Variants in PCDHA4 observed in about 807,000 individuals in gnomAD.
The protein encoded by PCDHA4 is protocadherin alpha 4, also known as protocadherin alpha-4.
In PCDHA4, 49 loss-of-function variants were observed where a neutral mutation model predicts 61.4. The observed-to-expected ratio is 0.80, with a 90% CI of 0.63 to 1.01. The LOEUF (loss-of-function observed/expected upper bound fraction) is 1.01. Ranked by LOEUF, PCDHA4 falls within the 50% of genes least tolerant of loss-of-function variation. The pLI is 0.00. For missense variants in PCDHA4, 1,254 were observed against 1,235.8 expected (o/e 1.01, Z -0.22); for synonymous variants, 590 against 550.3 (o/e 1.07, Z -1.01).
At chr5:140,836,286 C>T (rs146878440) in intron 1 of PCDHA4, 2 of 1,613,774 alleles carry the variant, frequency 1.2e-6, no homozygotes, top group South Asian at 1.1e-5. Context: ...CAGCACGACA[C>T]GAGCCCTAGA....
At position 140,987,008 on chromosome 5, in the gene PCDHA4, G is replaced by A. The variant is rs958548514; in HGVS notation, c.2533+4445G>A. 2.6e-5 allele frequency among the ~76,000 whole-genome samples: 4 copies of A among 152,260 alleles called. No individual in the cohort carries two copies. The South Asian group carries it at 6.2e-4, about 24-fold the overall frequency. On this transcript the variant is annotated intron_variant, in intron 3 of 3. Transcript: ENST00000530339. ...GCAGGCAGATCACTTGAGGTCATGA[G>A]TTCGAGACCAGCCTGGTCAACATGG... is the stretch of plus-strand genomic sequence containing the variant.
chr5:140,850,003 C>G (rs782017581), intron 1 of PCDHA4: 1 of 1,596,910 alleles, frequency 6.3e-7, no homozygotes, highest in African/African-American at 1.3e-5. Context: ...GGCGAGCGCT[C>G]GCTGTCGAGC....
At chr5:140,810,581 C>T (rs1764688212) in intron 1 of PCDHA4, 1 of 152,044 alleles carries the variant, frequency 6.6e-6, no homozygotes, top group Non-Finnish European at 1.5e-5. Context: ...AGTTGAGTAC[C>T]TTTCTATTTT....
intron 1 of PCDHA4, among the ~76,000 whole-genome samples, chr5:140,918,383 C>A (rs1227959801): frequency 4.6e-5 from 7 of 152,124 alleles, no homozygotes. Flanking sequence ...CCTTTTATTT[C>A]TTTCTCTTGC....
At chr5:140,875,241 A>G (rs1176870557) in intron 1 of PCDHA4, 27 of 935,126 alleles carry the variant, frequency 2.9e-5, no homozygotes, top group Non-Finnish European at 3.8e-5. Context: ...TTGTACTTAC[A>G]TAATCAGTCA....
intron 1 of PCDHA4, among the ~76,000 whole-genome samples, chr5:140,888,041 A>G (rs571709864): frequency 2.0e-5 from 3 of 152,296 alleles, no homozygotes; most frequent in South Asian, 4.1e-4. Context: ...TAGTACATGT[A>G]TAATAGATGT....
chr5:140,947,685 G>T (rs553954790), intron 1 of PCDHA4, among the ~76,000 whole-genome samples: 1 of 151,508 alleles, frequency 6.6e-6, no homozygotes, highest in South Asian at 2.1e-4. Flanking sequence ...AATTGTCTCA[G>T]CATGTTCTGT....
chr5:140,965,690 T>G (rs1203632136), intron 1 of PCDHA4, among the ~76,000 whole-genome samples: 2 of 152,172 alleles, frequency 1.3e-5, no homozygotes, highest in Admixed American at 1.3e-4. Context: ...TGAAGCAAGA[T>G]TAGAAAAAGC....
At chr5:140,949,825 C>G (rs1321892793) in intron 1 of PCDHA4, among the ~76,000 whole-genome samples, 2 of 151,748 alleles carry the variant, frequency 1.3e-5, no homozygotes, top group African/African-American at 4.8e-5. Flanking sequence ...TATTTGTCCC[C>G]TCTGATTTTG....
chr5:140,966,903 A>G (rs1554228870), intron 1 of PCDHA4: 2 of 1,599,926 alleles, frequency 1.3e-6, no homozygotes, highest in South Asian at 2.2e-5. Context: ...CAGCTGCGAT[A>G]CTCTGTGCCA....
intron 1 of PCDHA4, chr5:140,883,291 A>G: frequency 6.2e-7 from 1 of 1,614,118 alleles, no homozygotes; most frequent in Non-Finnish European, 8.5e-7. Flanking sequence ...TGGAAGTACT[A>G]GATGTAAATG....
At chr5:140,928,994 T>G (rs781964406) in intron 1 of PCDHA4, 2 of 1,613,992 alleles carry the variant, frequency 1.2e-6, no homozygotes, top group Admixed American at 3.3e-5. Flanking sequence ...TGCTTACTTT[T>G]CTTCGTGTGT....
chr5:140,815,956 G>A (rs1554126939), intron 1 of PCDHA4: 1 of 152,172 alleles, frequency 6.6e-6, no homozygotes, highest in Non-Finnish European at 1.5e-5. Context: ...GGTAGAGTTA[G>A]GGGTGTTCTT....
rs1763939402 is a variant in PCDHA4, at chr5:140,807,460, C to T, written c.273C>T (p.Asp91=). 1 of 1,608,638 alleles carries T rather than the reference C, an allele frequency of 6.2e-7. No individual in the cohort carries two copies. The highest frequency in any genetic ancestry group is 8.5e-7 in the Non-Finnish European group (1 of 1,178,324). Residue 91 remains aspartate (D), a synonymous_variant, in exon 1 of 4, where the codon GAC becomes GAT. Transcript: ENST00000530339. The stretch of plus-strand genomic sequence containing the variant: ...TTTTGTTTGTGAATTCTCGGATCGA[C>T]CGGGAGGAGCTGTGCCGGCGGAGCG... ...NGILFVNSRI[D]REELCRRSAE...
intron 1 of PCDHA4, chr5:140,825,614 G>A (rs1415986913): frequency 6.6e-6 from 1 of 151,662 alleles, no homozygotes; most frequent in Non-Finnish European, 1.5e-5. Flanking sequence ...TAGAGACGGG[G>A]TTTCACCATG....
intron 1 of PCDHA4, chr5:140,852,044 T>C (rs1581270101): frequency 2.2e-6 from 2 of 922,218 alleles, no homozygotes; most frequent in South Asian, 5.0e-5. Context: ...GTTTTTGTTA[T>C]GTGGTTTATA....
chr5:140,854,281 A>C, intron 1 of PCDHA4: 2 of 533,292 alleles, frequency 3.8e-6, no homozygotes, highest in Non-Finnish European at 4.8e-6. Context: ...AATTGAGTTT[A>C]GTTTTTATTA....
At chr5:140,818,706 T>G (rs2150102140) in intron 1 of PCDHA4, among the ~76,000 whole-genome samples, 14 of 152,140 alleles carry the variant, frequency 9.2e-5, no homozygotes, top group African/African-American at 2.7e-4. Flanking sequence ...GATGTGGTGG[T>G]GCACACCTGT....
At chr5:140,964,548 G>C (rs1468417797) in intron 1 of PCDHA4, among the ~76,000 whole-genome samples, 1 of 152,102 alleles carries the variant, frequency 6.6e-6, no homozygotes, top group East Asian at 1.9e-4. Context: ...AGATGGCAGC[G>C]ACTTGGAGGG....
Sources: allele counts gnomAD v4.1 joint callset (sites outside exome capture counted in the v4.1 genomes callset), GRCh38; gene constraint gnomAD v4.1.1; transcripts MANE v1.5; gene names NCBI Gene and HGNC (gene_info 2026-07-23, HGNC 2026-07-21).